Variants in PHLPP1 observed in about 807,000 individuals in gnomAD.
The protein encoded by PHLPP1 is PH domain and leucine rich repeat protein phosphatase 1, also known as PH domain leucine-rich repeat-containing protein phosphatase 1.
A neutral mutation model predicts 117.2 loss-of-function variants in PHLPP1; 42 were observed. That is an observed-to-expected ratio of 0.36 (90% CI 0.28 to 0.46). The LOEUF is 0.46. Ranked by LOEUF, PHLPP1 falls within the 20% of genes least tolerant of loss-of-function variation. The pLI, the probability that PHLPP1 is intolerant of heterozygous loss-of-function variation, is 1.00. For missense variants in PHLPP1, 2,084 were observed against 2,241.9 expected (o/e 0.93, Z 1.42); for synonymous variants, 1,042 against 970.7 (o/e 1.07, Z -1.37).
intron 1 of PHLPP1, among the ~76,000 whole-genome samples, chr18:62,809,428 C>T (rs1018141690): frequency 2.6e-5 from 4 of 152,136 alleles, no homozygotes; most frequent in African/African-American, 4.8e-5. Context: ...AGGCCAGGTG[C>T]GGTGGCTTAT....
intron 9 of PHLPP1, 36 bp from the exon 10 acceptor site, chr18:62,919,923 T>A: frequency 6.6e-7 from 1 of 1,504,604 alleles, no homozygotes; most frequent in Non-Finnish European, 9.0e-7. Flanking sequence ...TCTTTACTCT[T>A]TTTCATTTTT....
chr18:62,793,752 C>G (rs1913534643), intron 1 of PHLPP1, among the ~76,000 whole-genome samples: 1 of 152,176 alleles, frequency 6.6e-6, no homozygotes, highest in Non-Finnish European at 1.5e-5. Flanking sequence ...AGCCAGGACT[C>G]AAACACAGGC....
chr18:62,966,708 A>G (rs1321273648), intron 14 of PHLPP1, among the ~76,000 whole-genome samples: 1 of 152,078 alleles, frequency 6.6e-6, no homozygotes, highest in East Asian at 1.9e-4. Flanking sequence ...TGACCTCATG[A>G]TCCGCCCGCC....
chr18:62,865,113 C>T (rs900508973), intron 4 of PHLPP1, among the ~76,000 whole-genome samples: 7 of 152,242 alleles, frequency 4.6e-5, no homozygotes, highest in African/African-American at 1.7e-4. Flanking sequence ...GGCTTGAGAC[C>T]AGGAGTTTGA....
At chr18:62,807,988 AT>A (rs1913998869) in intron 1 of PHLPP1, among the ~76,000 whole-genome samples, 2 of 152,252 alleles carry the variant, frequency 1.3e-5, no homozygotes, top group African/African-American at 4.8e-5. Flanking sequence ...GGCAATAGGA[AT>A]TTTTCACCTC....
chr18:62,755,982 T>TCC (rs35142218), intron 1 of PHLPP1, among the ~76,000 whole-genome samples: 107 of 143,026 alleles, frequency 7.5e-4, no homozygotes, highest in African/African-American at 1.9e-3. Flanking sequence ...ATATTTTTGT[T>TCC]CCCCCCCCCC....
chr18:62,967,850 G>A (rs551214874), intron 14 of PHLPP1, among the ~76,000 whole-genome samples: 6 of 147,430 alleles, frequency 4.1e-5, no homozygotes, highest in African/African-American at 7.5e-5. Flanking sequence ...TTTAGACAGC[G>A]TTTCACTCTT....
chr18:62,839,055 T>C, intron 3 of PHLPP1, 146 bp downstream of exon 3: 5 of 827,010 alleles, frequency 6.0e-6, no homozygotes, highest in Non-Finnish European at 9.1e-6. Context: ...AATTTTTAGT[T>C]TTTTAAAAAC....
At chr18:62,769,862 A>G (rs1474718953) in intron 1 of PHLPP1, among the ~76,000 whole-genome samples, 1 of 152,196 alleles carries the variant, frequency 6.6e-6, no homozygotes, top group Non-Finnish European at 1.5e-5. Context: ...ATACATCTCT[A>G]ATAAGTTCTA....
chr18:62,837,079 C>A (rs565434144), intron 2 of PHLPP1, among the ~76,000 whole-genome samples: 1 of 152,212 alleles, frequency 6.6e-6, no homozygotes, highest in Non-Finnish European at 1.5e-5. Flanking sequence ...CCTCCCCAGG[C>A]TTGGGCGATT....
rs1456184228 is a variant in PHLPP1 at position 62,826,975 on chromosome 18, G to A, written c.1577-3060G>A. On this transcript the variant is annotated intron_variant, in intron 1 of 16. Transcript: ENST00000262719. ...AGATCATGCCACTGCACTCCAGCCT[G>A]GGTGACAGAGTGAGACCCTGTCTCA... 3.9e-5 allele frequency among the ~76,000 whole-genome samples: 6 copies of A among 152,218 alleles called. No homozygotes were observed. The East Asian group carries it at 7.7e-4, about 20-fold the overall frequency.
intron 9 of PHLPP1, among the ~76,000 whole-genome samples, chr18:62,915,609 C>G (rs1370117127): frequency 6.6e-6 from 1 of 152,194 alleles, no homozygotes; most frequent in Non-Finnish European, 1.5e-5. Flanking sequence ...CTTCTATTGT[C>G]TGTAAATACA....
chr18:62,821,364 C>T (rs951317866), intron 1 of PHLPP1, among the ~76,000 whole-genome samples: 1 of 151,770 alleles, frequency 6.6e-6, no homozygotes, highest in African/African-American at 2.4e-5. Flanking sequence ...GCCTGAGGAA[C>T]ATGGCGAAAC....
chr18:62,965,118 C>T (rs1363295928), intron 14 of PHLPP1, among the ~76,000 whole-genome samples: 1 of 152,170 alleles, frequency 6.6e-6, no homozygotes, highest in Non-Finnish European at 1.5e-5. Flanking sequence ...TCCCAGTAGT[C>T]CCAGGCTATG....
rs979123219 is a variant in PHLPP1, at chr18:62,972,508, T to C, written c.3561-6T>C. 3 of 1,611,514 alleles carry C rather than the reference T, an allele frequency of 1.9e-6. No individual in the cohort carries two copies. The highest frequency in any genetic ancestry group is 2.5e-6 in the Non-Finnish European group (3 of 1,179,352). On this transcript the variant is annotated splice_region_variant and splice_polypyrimidine_tract_variant and intron_variant, in intron 14 of 16. Coordinates refer to ENST00000262719, the MANE Select transcript of PHLPP1 (RefSeq NM_194449.4). The stretch of plus-strand genomic sequence containing the variant: ...GACTCAGCACAGAAGTGTGGTTGCC[T>C]TGCAGGTTGTGTGTCGCAGCCCTGT...
At chr18:62,837,173 G>A (rs1304327623) in intron 2 of PHLPP1, among the ~76,000 whole-genome samples, 1 of 152,050 alleles carries the variant, frequency 6.6e-6, no homozygotes, top group African/African-American at 2.4e-5. Flanking sequence ...TCTGTTTTTT[G>A]TAGAGATAAG....
chr18:62,794,441 A>C (rs2144293303), intron 1 of PHLPP1, among the ~76,000 whole-genome samples: 1 of 151,926 alleles, frequency 6.6e-6, no homozygotes, highest in Admixed American at 6.6e-5. Flanking sequence ...GTCATAGCTC[A>C]CTGCAACCTT....
chr18:62,753,226 A>G (rs923456274), intron 1 of PHLPP1, among the ~76,000 whole-genome samples: 1 of 152,206 alleles, frequency 6.6e-6, no homozygotes, highest in African/African-American at 2.4e-5. Flanking sequence ...TTTCTTAGGT[A>G]AAGTTCTCTT....
chr18:62,886,904 G>A (rs1011987313), intron 4 of PHLPP1, among the ~76,000 whole-genome samples: 4 of 152,202 alleles, frequency 2.6e-5, no homozygotes, highest in African/African-American at 9.7e-5. Context: ...AAATGAACAT[G>A]AGTTATATTT....
Sources: allele counts gnomAD v4.1 joint callset (sites outside exome capture counted in the v4.1 genomes callset), GRCh38; gene constraint gnomAD v4.1.1; transcripts MANE v1.5; gene names NCBI Gene and HGNC (gene_info 2026-07-23, HGNC 2026-07-21).